FZD4: variants seen among roughly 807,000 people sequenced by gnomAD.
The protein encoded by FZD4 is frizzled-4.
Under a neutral mutation model 37.3 loss-of-function variants are expected in FZD4, and 16 were observed. That is an observed-to-expected ratio of 0.43 (90% confidence interval 0.29 to 0.65). The LOEUF is 0.65. Among genes scored for constraint, FZD4 ranks in the 30% least tolerant of loss-of-function variants. The probability of loss-of-function intolerance (pLI) is 0.16; values close to 1 mark genes in which losing one functional copy is unlikely to be tolerated. For missense variants in FZD4, 599 were observed against 674.3 expected, an observed-to-expected ratio of 0.89 and a Z score of 1.24; for synonymous variants, 246 against 254.8, an observed-to-expected ratio of 0.97 and a Z score of 0.33.
Position 86,946,175 on chromosome 11 carries a change from C to A in FZD4, c.*4967G>T, listed in dbSNP as rs1285241731. 6.6e-6 allele frequency: 1 copy of A among 152,266 alleles called. No individual in the cohort carries two copies. The highest frequency in any genetic ancestry group is 1.5e-5 in the Non-Finnish European group (1 of 68,078). The allele number at this position is 152,266 out of a possible 1,614,324, so 9.4% of individuals were successfully genotyped here. A position where few individuals can be genotyped will look rare whatever the true frequency, so the allele number is the denominator to read the frequency against. On this transcript the variant is annotated 3_prime_UTR_variant, in exon 2 of 2. Coordinates refer to ENST00000531380, the MANE Select transcript of FZD4 (RefSeq NM_012193.4). ...GAGATCTAGAAAGCAGCTTACCCCT[C>A]CCAAAGCCCACAGCCAAGTCAGGGC...
In FZD4 at chr11:86,947,133, G is replaced by A. The variant is rs1590940596; in HGVS notation, c.*4009C>T. 1 of 155,914 alleles carries A rather than the reference G, an allele frequency of 6.4e-6. No individual in the cohort carries two copies. The highest frequency in any genetic ancestry group is 1.9e-4 in the East Asian group (1 of 5,366). 9.7% of individuals were successfully genotyped at this position (155,914 alleles called of 1,614,324 possible). A position where few individuals can be genotyped will look rare whatever the true frequency, so the allele number is the denominator to read the frequency against. On this transcript the variant is annotated 3_prime_UTR_variant, in exon 2 of 2. Transcript: ENST00000531380. ...CAGGAGAATCACTTGAACCCAGGAGGCAGAGGTTGCAGTGAGCCAAGATCG... is the reference window on the plus strand; with the variant it reads ...CAGGAGAATCACTTGAACCCAGGAGACAGAGGTTGCAGTGAGCCAAGATCG...
chr11:86,955,225 G>A lies in FZD4; in HGVS notation c.-140C>T. ...ATGCGGCGACGAGGGGGCAGCGGCC[G>A]GCTCTCCAGCAGCTGCGCGCGACTG... On this transcript the variant is annotated 5_prime_UTR_variant, in exon 1 of 2. Transcript: ENST00000531380. 1.6e-6 allele frequency: 1 copy of A among 624,770 alleles called. No individual in the cohort carries two copies. The highest frequency in any genetic ancestry group is 2.5e-6 in the Non-Finnish European group (1 of 398,010). The allele number at this position is 624,770 out of a possible 1,614,324, so 38.7% of individuals were successfully genotyped here. A position where few individuals can be genotyped will look rare whatever the true frequency, so the allele number is the denominator to read the frequency against.
At position 86,951,125 on chromosome 11, in the gene FZD4, A is replaced by G. The variant is rs373872905; in HGVS notation, c.*17T>C. ...TTCCCCCCTTCAAAATGAAGAAAGC[A>G]TGGAGGCTGACTAGCCTTATACCAC... On this transcript the variant is annotated 3_prime_UTR_variant, in exon 2 of 2. Coordinates refer to ENST00000531380, the MANE Select transcript of FZD4 (RefSeq NM_012193.4). 18 of 1,612,910 alleles carry G rather than the reference A, an allele frequency of 1.1e-5. No homozygotes were observed. The highest frequency in any genetic ancestry group is 1.3e-5 in the Non-Finnish European group (15 of 1,178,932).
chr11:86,950,715 A>G lies in FZD4; in HGVS notation c.*427T>C, dbSNP rs1949282927. The G allele has an allele frequency of 4.2e-6, 1 of 239,000 alleles. No individual in the cohort carries two copies. The highest frequency in any genetic ancestry group is 5.1e-5 in the Admixed American group (1 of 19,546). The allele number at this position is 239,000 out of a possible 1,614,324, so 14.8% of individuals were successfully genotyped here. On this transcript the variant is annotated 3_prime_UTR_variant, in exon 2 of 2. Coordinates refer to ENST00000531380, the MANE Select transcript of FZD4 (RefSeq NM_012193.4). The stretch of plus-strand genomic sequence containing the variant: ...TGTTTATAGATTGCTTTGCTATCTG[A>G]AAGACCCAGTTAGTATTTAAAATGG...
Position 86,954,956 on chromosome 11 carries a change from GCC to G in FZD4, c.128_129del (p.Arg43ProfsTer86). The G allele has an allele frequency of 6.2e-6, 10 of 1,613,680 alleles. No homozygotes were observed. Among genetic ancestry groups the G allele is most frequent in the Non-Finnish European group, 7.6e-6 (9 of 1,179,906 alleles). On this transcript the variant is annotated frameshift_variant, in exon 1 of 2. Transcript: ENST00000531380. LOFTEE classifies it high-confidence loss of function. ...ATGGAGATGCGGATGGGGTCGCAGCGCCGCTCTTCCTCGTCCCCGAAGCCCCG... is the reference window on the plus strand; with the variant it reads ...ATGGAGATGCGGATGGGGTCGCAGCGGCTCTTCCTCGTCCCCGAAGCCCCG... ...PARGFGDEEE[R>X]RCDPIRISMC...
Position 86,946,599 on chromosome 11 carries a change from G to A in FZD4, c.*4543C>T, listed in dbSNP as rs985083119. 1 of 152,458 alleles carries A rather than the reference G, an allele frequency of 6.6e-6. No individual in the cohort carries two copies. Among genetic ancestry groups the A allele is most frequent in the African/African-American group, 2.4e-5 (1 of 41,462 alleles). 9.4% of individuals were successfully genotyped at this position (152,458 alleles called of 1,614,324 possible). A position where few individuals can be genotyped will look rare whatever the true frequency, so the allele number is the denominator to read the frequency against. The stretch of plus-strand genomic sequence containing the variant: ...CCGCACAAGTGCATGGCAAGAGACA[G>A]CAACAGAAAGCTCTATGTAGGCTAG... On this transcript the variant is annotated 3_prime_UTR_variant, in exon 2 of 2. Coordinates refer to ENST00000531380, the MANE Select transcript of FZD4 (RefSeq NM_012193.4).
chr11:86,953,646 C>T (rs901860375), intron 1 of FZD4, among the ~76,000 whole-genome samples: 4 of 151,626 alleles, frequency 2.6e-5, no homozygotes, highest in African/African-American at 4.8e-5. Flanking sequence ...TACGGAGTTT[C>T]GCTCCTGTGG....
In FZD4 at chr11:86,947,201, TCAAACAAACAAA is replaced by T. The variant is rs34325935; in HGVS notation, c.*3929_*3940del. On this transcript the variant is annotated 3_prime_UTR_variant, in exon 2 of 2. Coordinates refer to ENST00000531380, the MANE Select transcript of FZD4 (RefSeq NM_012193.4). The stretch of plus-strand genomic sequence containing the variant: ...CTGGGTGACAGAGCAAGACCCTGTC[TCAAACAAACAAA>T]CAAACAAACAAACAAACAAACAACA... 2,556 of 165,462 alleles carry T rather than the reference TCAAACAAACAAA, an allele frequency of 0.015. 30 individuals are homozygous for T. Among genetic ancestry groups the T allele is most frequent in the Admixed American group, 0.022 (368 of 16,784 alleles). The allele number at this position is 165,462 out of a possible 1,614,324, so 10.2% of individuals were successfully genotyped here.
In FZD4 at chr11:86,952,383, T is replaced by C; in HGVS notation, c.373A>G (p.Lys125Glu). 1.2e-6 allele frequency: 2 copies of C among 1,614,210 alleles called. No homozygotes were observed. Among genetic ancestry groups the C allele is most frequent in the Non-Finnish European group, 1.7e-6 (2 of 1,180,034 alleles). ...TTCAGGACGGGTTCACAGCGTCTCT[T>C]GACTGAAAGACACATGCCGCCGCAT... is the stretch of plus-strand genomic sequence containing the variant. ...GPCGGMCLSVKRRCEPVLKEF... is the reference protein window; with the variant it reads ...GPCGGMCLSVERRCEPVLKEF... The change falls in exon 2 of 2, where the codon AAG becomes GAG. Residue 125 changes from lysine (K) to glutamate (E), a missense_variant. By Grantham distance (56) the Lys-to-Glu change is moderately conservative. Transcript: ENST00000531380.
In FZD4 at chr11:86,948,125, TA is replaced by T. The variant is rs1195523261; in HGVS notation, c.*3016del. On this transcript the variant is annotated 3_prime_UTR_variant, in exon 2 of 2. Coordinates refer to ENST00000531380, the MANE Select transcript of FZD4 (RefSeq NM_012193.4). Reference sequence around the variant, plus strand: ...TGATGCTTTCTGTTAAAACCACCTGTAACTGACTTGGAAGGAATCCTGGGAA... The same window carrying T: ...TGATGCTTTCTGTTAAAACCACCTGTACTGACTTGGAAGGAATCCTGGGAA... 1 of 152,260 alleles carries T rather than the reference TA, an allele frequency of 6.6e-6. No individual in the cohort carries two copies. Among genetic ancestry groups the T allele is most frequent in the East Asian group, 1.9e-4 (1 of 5,170 alleles). 9.4% of individuals were successfully genotyped at this position (152,260 alleles called of 1,614,324 possible).
Position 86,951,572 on chromosome 11 carries a change from A to G in FZD4, c.1184T>C (p.Leu395Pro). 6.2e-7 allele frequency: 1 copy of G among 1,614,164 alleles called. No individual in the cohort carries two copies. The highest frequency in any genetic ancestry group is 8.5e-7 in the Non-Finnish European group (1 of 1,179,996). Reference sequence around the variant, plus strand: ...AGTTCCAATGACCAAATAAGTAAAGAGGGGAGCCACCACGAACCCGGTGAG... The same window carrying G: ...AGTTCCAATGACCAAATAAGTAAAGGGGGGAGCCACCACGAACCCGGTGAG... ...DALTGFVVAP[L>P]FTYLVIGTLF... The change falls in exon 2 of 2, where the codon CTC becomes CCC. Residue 395 changes from leucine (L) to proline (P), a missense_variant. Physicochemically the swap from Leu to Pro is moderately conservative, Grantham distance 98 (BLOSUM62 -3). Transcript: ENST00000531380.
chr11:86,952,456 A>G lies in FZD4; in HGVS notation c.300T>C (p.Ser100=). ...CSSQLQFFLC[S]VYVPMCTEKI... ...TCTCTGTGCACATTGGCACATAAAC[A>G]GAACAAAGGAAGAACTGGAAAAGTA... The change falls in exon 2 of 2, where the codon TCT becomes TCC. Residue 100 remains serine (S), a synonymous_variant. Transcript: ENST00000531380. The G allele has an allele frequency of 1.9e-6, 3 of 1,613,732 alleles. No individual in the cohort carries two copies. The highest frequency in any genetic ancestry group is 2.5e-6 in the Non-Finnish European group (3 of 1,179,996).
Position 86,955,151 on chromosome 11 carries a change from G to A in FZD4, c.-66C>T, listed in dbSNP as rs372346926. 3.2e-6 allele frequency: 4 copies of A among 1,259,802 alleles called. No individual in the cohort carries two copies. The highest frequency in any genetic ancestry group is 3.0e-5 in the East Asian group (1 of 33,430). The allele number at this position is 1,259,802 out of a possible 1,614,324, so 78.0% of individuals were successfully genotyped here. On this transcript the variant is annotated 5_prime_UTR_variant, in exon 1 of 2. Coordinates refer to ENST00000531380, the MANE Select transcript of FZD4 (RefSeq NM_012193.4). ...TCTGGCAGACACCCCCAGTTTGCAC[G>A]GGGGCGCCGGCTGCCCGCGCTGCTC...
chr11:86,947,480 T>G lies in FZD4; in HGVS notation c.*3662A>C, dbSNP rs571049940. On this transcript the variant is annotated 3_prime_UTR_variant, in exon 2 of 2. Coordinates refer to ENST00000531380, the MANE Select transcript of FZD4 (RefSeq NM_012193.4). ...AGCCAGAGAGTATAGAGCTAAAAGGTGCTGAACAGAATCTCAATTCAGTAT... is the reference window on the plus strand; with the variant it reads ...AGCCAGAGAGTATAGAGCTAAAAGGGGCTGAACAGAATCTCAATTCAGTAT... 13 of 152,276 alleles carry G rather than the reference T, an allele frequency of 8.5e-5. No homozygotes were observed. Among genetic ancestry groups the G allele is most frequent in the African/African-American group, 3.1e-4 (13 of 41,526 alleles). 9.4% of individuals were successfully genotyped at this position (152,276 alleles called of 1,614,324 possible).
Position 86,946,950 on chromosome 11 carries a change from A to C in FZD4, c.*4192T>G, listed in dbSNP as rs879361106. 9 of 152,466 alleles carry C rather than the reference A, an allele frequency of 5.9e-5. No individual in the cohort carries two copies. The highest frequency in any genetic ancestry group is 1.0e-4 in the Non-Finnish European group (7 of 68,284). The allele number at this position is 152,466 out of a possible 1,614,324, so 9.4% of individuals were successfully genotyped here. A position where few individuals can be genotyped will look rare whatever the true frequency, so the allele number is the denominator to read the frequency against. On this transcript the variant is annotated 3_prime_UTR_variant, in exon 2 of 2. Transcript: ENST00000531380. ...GCCAGGTGTGGTGGCTCACACTTGTAATCCCAGCACTTTGGGAGGCTGAGG... is the reference window on the plus strand; with the variant it reads ...GCCAGGTGTGGTGGCTCACACTTGTCATCCCAGCACTTTGGGAGGCTGAGG...
At position 86,952,073 on chromosome 11, in the gene FZD4, C is replaced by G. The variant is rs781634932; in HGVS notation, c.683G>C (p.Ser228Thr). 1.2e-6 allele frequency: 2 copies of G among 1,613,982 alleles called. No individual in the cohort carries two copies. The highest frequency in any genetic ancestry group is 1.7e-6 in the Non-Finnish European group (2 of 1,179,980). ...GAAGGCAGTGGAGATGAAACACAGGCTGGCCCACACAGCCATCCAGATATC... is the reference window on the plus strand; with the variant it reads ...GAAGGCAGTGGAGATGAAACACAGGGTGGCCCACACAGCCATCCAGATATC... ...FTDIWMAVWA[S>T]LCFISTAFTV... The change falls in exon 2 of 2, where the codon AGC (serine) becomes ACC (threonine). Residue 228 changes from serine to threonine, a missense_variant. Physicochemically the swap from Ser to Thr is moderately conservative, Grantham distance 58 (BLOSUM62 1). Coordinates refer to ENST00000531380, the MANE Select transcript of FZD4 (RefSeq NM_012193.4).
Position 86,952,233 on chromosome 11 carries a change from TG to T in FZD4, c.522del (p.Ile175SerfsTer20). On this transcript the variant is annotated frameshift_variant, in exon 2 of 2. Transcript: ENST00000531380. LOFTEE classifies it high-confidence loss of function. ...DEEVPLPHKT[P>X]IQPGEECHSV... ...GAGTGACACTCTTCCCCAGGCTGGA[TG>T]GGGGTTTTGTGAGGTAAGGGCACCT... is the stretch of plus-strand genomic sequence containing the variant. 6.2e-7 allele frequency: 1 copy of T among 1,614,104 alleles called. No homozygotes were observed. Among genetic ancestry groups the T allele is most frequent in the Non-Finnish European group, 8.5e-7 (1 of 1,179,984 alleles).
chr11:86,954,801 C>T lies in FZD4; in HGVS notation c.285G>A (p.Gln95=). Residue 95 remains glutamine (Q), a splice_region_variant and synonymous_variant, in exon 1 of 2, where the codon CAG becomes CAA. Transcript: ENST00000531380. ...CAGGGGTGGGGGTGGGGGCGCCCAC[C>T]TGCAGCTGGCTGGAGCAGCCGTACT... The part of the protein sequence containing the change: ...LIQYGCSSQL[Q]FFLCSVYVPM... 1 of 1,604,706 alleles carries T rather than the reference C, an allele frequency of 6.2e-7. No individual in the cohort carries two copies. Among genetic ancestry groups the T allele is most frequent in the Non-Finnish European group, 8.5e-7 (1 of 1,175,966 alleles).
rs989540388 is a variant in FZD4, at chr11:86,951,577, A to T, written c.1179T>A (p.Ala393=). 1 of 1,613,976 alleles carries T rather than the reference A, an allele frequency of 6.2e-7. No individual in the cohort carries two copies. Among genetic ancestry groups the T allele is most frequent in the African/African-American group, 1.3e-5 (1 of 74,914 alleles). Residue 393 remains alanine (A), a synonymous_variant, in exon 2 of 2, where the codon GCT becomes GCA. Coordinates refer to ENST00000531380, the MANE Select transcript of FZD4 (RefSeq NM_012193.4). ...CAATGACCAAATAAGTAAAGAGGGGAGCCACCACGAACCCGGTGAGGGCAT... is the reference window on the plus strand; with the variant it reads ...CAATGACCAAATAAGTAAAGAGGGGTGCCACCACGAACCCGGTGAGGGCAT... The part of the protein sequence containing the change: ...NLDALTGFVV[A]PLFTYLVIGT...
Sources: gnomAD v4.1 joint callset for allele counts (sites outside exome capture counted in the v4.1 genomes callset) on GRCh38, gnomAD v4.1.1 for gene constraint, MANE v1.5 for transcripts, NCBI Gene and HGNC (gene_info 2026-07-23, HGNC 2026-07-21) for gene names.